Variants in NTM observed in about 807,000 individuals in gnomAD.
NTM encodes IgLON family member 2.
NTM carries 13 observed loss-of-function variants against 42.1 expected under a neutral mutation model. That is an observed-to-expected ratio of 0.31 (90% CI 0.20 to 0.49). The LOEUF (loss-of-function observed/expected upper bound fraction) is 0.49. NTM is among the 20% of genes least tolerant of loss of function. NTM has a pLI of 0.99. For synonymous variants in NTM, 187 were observed against 179.2 expected, an observed-to-expected ratio of 1.04 and a Z score of -0.35; for missense variants, 373 against 452.8, an observed-to-expected ratio of 0.82 and a Z score of 1.60.
chr11:131,925,383 CTTTTT>C (rs61493262), intron 2 of NTM, among the ~76,000 whole-genome samples: 14 of 111,448 alleles, frequency 1.3e-4, no homozygotes, highest in African/African-American at 3.2e-4. Flanking sequence ...TTTCTTTTCT[CTTTTT>C]TTTTTTTTTT....
chr11:132,171,629 C>T (rs1011275219), intron 3 of NTM, among the ~76,000 whole-genome samples: 1 of 152,214 alleles, frequency 6.6e-6, no homozygotes, highest in African/African-American at 2.4e-5. Flanking sequence ...CATTAACATT[C>T]ATTCCATTGC....
intron 3 of NTM, among the ~76,000 whole-genome samples, chr11:132,163,780 C>G (rs2074809800): frequency 6.6e-6 from 1 of 152,272 alleles, no homozygotes; most frequent in Admixed American, 6.5e-5. Flanking sequence ...GCCAGTGATT[C>G]TCAGCTCTGC....
intron 4 of NTM, among the ~76,000 whole-genome samples, chr11:132,286,286 C>A (rs2139924780): frequency 6.6e-6 from 1 of 152,280 alleles, no homozygotes; most frequent in African/African-American, 2.4e-5. Flanking sequence ...TATGGCAGTG[C>A]AGGCTATTTC....
At chr11:131,668,660 G>C (rs1192949215) in intron 1 of NTM, among the ~76,000 whole-genome samples, 1 of 152,092 alleles carries the variant, frequency 6.6e-6, no homozygotes, top group Non-Finnish European at 1.5e-5. Context: ...ATTAAATTAA[G>C]GAACACAATT....
intron 2 of NTM, among the ~76,000 whole-genome samples, chr11:132,022,749 G>T (rs2074539322): frequency 6.6e-6 from 1 of 152,220 alleles, no homozygotes; most frequent in Admixed American, 6.5e-5. Flanking sequence ...ACCTGTAACT[G>T]CATGGAATCA....
intron 4 of NTM, among the ~76,000 whole-genome samples, chr11:132,245,316 A>G (rs1242636977): frequency 6.6e-6 from 1 of 152,138 alleles, no homozygotes; most frequent in African/African-American, 2.4e-5. Flanking sequence ...AGGGCCAATA[A>G]AAAGCATTCA....
intron 2 of NTM, among the ~76,000 whole-genome samples, chr11:131,938,125 C>T (rs761953435): frequency 2.0e-5 from 3 of 152,206 alleles, no homozygotes; most frequent in Non-Finnish European, 2.9e-5. Flanking sequence ...AGAAAAGGTC[C>T]TTGCCCTCAT....
intron 1 of NTM, among the ~76,000 whole-genome samples, chr11:131,859,473 G>A (rs1565638705): frequency 6.6e-6 from 1 of 152,096 alleles, no homozygotes; most frequent in Non-Finnish European, 1.5e-5. Context: ...TCCTTTGAGG[G>A]TTGTTTTATC....
At chr11:132,103,944 T>A (rs1247025955) in intron 2 of NTM, among the ~76,000 whole-genome samples, 1 of 152,210 alleles carries the variant, frequency 6.6e-6, no homozygotes, top group African/African-American at 2.4e-5. Flanking sequence ...GCATAGCACC[T>A]CTGAACTTCA....
intron 3 of NTM, among the ~76,000 whole-genome samples, chr11:132,156,125 G>C (rs1287268294): frequency 6.6e-6 from 1 of 152,160 alleles, no homozygotes; most frequent in Non-Finnish European, 1.5e-5. Context: ...TGTAGCCTGA[G>C]TGATCTTTTC....
chr11:132,090,406 AG>A (rs989852805), intron 2 of NTM, among the ~76,000 whole-genome samples: 1 of 152,056 alleles, frequency 6.6e-6, no homozygotes, highest in African/African-American at 2.4e-5. Flanking sequence ...TCCTGTACCC[AG>A]GGTATGAGTC....
At chr11:131,899,175 CA>C (rs11300029) in intron 1 of NTM, among the ~76,000 whole-genome samples, 54,273 of 151,606 alleles carry the variant, frequency 0.36, 11,108 homozygotes, top group African/African-American at 0.57. Flanking sequence ...AGGCAGTGTA[CA>C]AAAAACAAGT....
At chr11:131,745,075 CA>C (rs2081644675) in intron 1 of NTM, among the ~76,000 whole-genome samples, 2 of 152,224 alleles carry the variant, frequency 1.3e-5, no homozygotes, top group South Asian at 4.1e-4. Flanking sequence ...AACTCTGACA[CA>C]CAGAGGCCTG....
intron 1 of NTM, among the ~76,000 whole-genome samples, chr11:131,839,418 A>G (rs2043941634): frequency 6.6e-6 from 1 of 152,166 alleles, no homozygotes. Flanking sequence ...GAAGGAGATG[A>G]GGAAATGAGT....
intron 1 of NTM, among the ~76,000 whole-genome samples, chr11:131,461,885 A>G (rs950973418): frequency 6.6e-6 from 1 of 152,240 alleles, no homozygotes; most frequent in African/African-American, 2.4e-5. Flanking sequence ...AAGCAGGGAC[A>G]TTCAAATTAA....
intron 1 of NTM, among the ~76,000 whole-genome samples, chr11:131,456,958 A>C (rs1950956179): frequency 6.6e-6 from 1 of 152,196 alleles, no homozygotes. Context: ...CCTATGCTGG[A>C]TGACGGAGGT....
intron 1 of NTM, among the ~76,000 whole-genome samples, chr11:131,841,909 G>A (rs767466917): frequency 6.6e-6 from 1 of 152,216 alleles, no homozygotes; most frequent in Non-Finnish European, 1.5e-5. Context: ...GGGCCACAAA[G>A]CAGGAAGAAA....
intron 4 of NTM, among the ~76,000 whole-genome samples, chr11:132,261,694 A>AATAG (rs1035925448): frequency 6.6e-6 from 1 of 152,200 alleles, no homozygotes; most frequent in African/African-American, 2.4e-5. Flanking sequence ...TTGTCTGGAG[A>AATAG]ATAGATAGGT....
chr11:131,668,404 C>A (rs1232713696), intron 1 of NTM, among the ~76,000 whole-genome samples: 1 of 151,942 alleles, frequency 6.6e-6, no homozygotes, highest in South Asian at 2.1e-4. Context: ...AAAACAAAAA[C>A]CTTGATTATA....
Sources: gnomAD v4.1 joint callset for allele counts (sites outside exome capture counted in the v4.1 genomes callset) on GRCh38, gnomAD v4.1.1 for gene constraint, MANE v1.5 for transcripts, NCBI Gene and HGNC (gene_info 2026-07-23, HGNC 2026-07-21) for gene names.